The following CBLIF variants were observed in gnomAD, a reference collection of about 807,000 sequenced individuals.
CBLIF encodes cobalamin binding intrinsic factor, also known as gastric intrinsic factor (vitamin B synthesis).
CBLIF carries 24 observed loss-of-function variants against 44.9 expected under a neutral mutation model. The observed-to-expected ratio is 0.53, with a 90% CI of 0.39 to 0.75. The LOEUF (loss-of-function observed/expected upper bound fraction) is 0.75, where lower values mean the gene tolerates loss of function less well. CBLIF is among the 30% of genes least tolerant of loss of function. CBLIF has a pLI of 0.00. For missense variants in CBLIF, 481 were observed against 513.0 expected (o/e 0.94, Z 0.60); for synonymous variants, 183 against 190.9 (o/e 0.96, Z 0.34).
At chr11:59,837,112 T>C in intron 6 of CBLIF, 62 bp downstream of exon 6, 1 of 1,266,488 alleles carries the variant, frequency 7.9e-7, no homozygotes, top group South Asian at 1.2e-5. Context: ...TTAACATTGA[T>C]CCACATGTCA....
At chr11:59,838,934 C>T (rs762049018) in intron 5 of CBLIF, among the ~76,000 whole-genome samples, 5 of 150,802 alleles carry the variant, frequency 3.3e-5, no homozygotes, top group East Asian at 1.9e-4. Context: ...CTGCAACCTC[C>T]GTCTCCCGGG....
In CBLIF at chr11:59,844,088, A is replaced by G. The variant is rs12293739; in HGVS notation, c.80-33T>C. 8.8e-3 allele frequency: 13,553 copies of G among 1,533,964 alleles called. 173 individuals carry two copies. The highest frequency in any genetic ancestry group is 0.058 in the African/African-American group (4,257 of 73,492). On this transcript the variant is annotated intron_variant, in intron 1 of 8. Transcript: ENST00000257248. Reference sequence around the variant, plus strand: ...GAGGAAAGCCATTTACTCACCTTCTAACCCTCATTCCTTCTCAAAAACATT... The same window carrying G: ...GAGGAAAGCCATTTACTCACCTTCTGACCCTCATTCCTTCTCAAAAACATT...
At chr11:59,832,570 T>C (rs563287599) in intron 7 of CBLIF, among the ~76,000 whole-genome samples, 15 of 152,172 alleles carry the variant, frequency 9.9e-5, no homozygotes, top group Non-Finnish European at 1.9e-4. Context: ...GGCAGATTGC[T>C]TGAGCCCAGG....
At chr11:59,833,485 C>A (rs1051086931) in intron 7 of CBLIF, among the ~76,000 whole-genome samples, 2 of 151,560 alleles carry the variant, frequency 1.3e-5, no homozygotes, top group African/African-American at 4.9e-5. Context: ...CCATTGCATT[C>A]CAGCCTGGGT....
At chr11:59,831,986 C>T (rs180912305) in intron 7 of CBLIF, among the ~76,000 whole-genome samples, 190 bp from the exon 8 acceptor site, 12 of 152,228 alleles carry the variant, frequency 7.9e-5, no homozygotes, top group African/African-American at 2.9e-4. Context: ...CTCAAGCATC[C>T]ACCCGCCAGG....
chr11:59,842,278 A>G (rs376894653), intron 4 of CBLIF, among the ~76,000 whole-genome samples, 165 bp downstream of exon 4: 5 of 152,144 alleles, frequency 3.3e-5, no homozygotes, highest in African/African-American at 1.2e-4. Flanking sequence ...TCCTCAATTC[A>G]CCTGCCCAAC....
chr11:59,836,119 G>T, intron 6 of CBLIF, 110 bp from the exon 7 acceptor site: 1 of 857,836 alleles, frequency 1.2e-6, no homozygotes, highest in Non-Finnish European at 2.0e-6. Context: ...AGAAAGTAGT[G>T]AGTTTCATAC....
At chr11:59,837,391 G>A (rs373644476) in intron 5 of CBLIF, 40 bp from the exon 6 acceptor site, 162 of 1,472,526 alleles carry the variant, frequency 1.1e-4, no homozygotes, top group Admixed American at 1.3e-4. Flanking sequence ...GAGTAATTAG[G>A]CATAGCTGAG....
At chr11:59,837,098 C>T (rs572714208) in intron 6 of CBLIF, 76 bp downstream of exon 6, 157 of 1,115,086 alleles carry the variant, frequency 1.4e-4, no homozygotes, top group Non-Finnish European at 2.1e-4. Flanking sequence ...AGCCTATATG[C>T]CACTTAACAT....
intron 1 of CBLIF, 65 bp from the exon 2 acceptor site, chr11:59,844,120 G>C: frequency 1.6e-6 from 2 of 1,251,936 alleles, no homozygotes; most frequent in Non-Finnish European, 2.4e-6. Flanking sequence ...CATTATCCCC[G>C]TGTCTTTGAT....
intron 7 of CBLIF, among the ~76,000 whole-genome samples, chr11:59,834,395 G>GTT (rs367748738): frequency 6.1e-4 from 32 of 52,116 alleles, no homozygotes; most frequent in East Asian, 4.3e-3. Context: ...CCTTTTTTTT[G>GTT]TTTTTTTTTT....
At chr11:59,836,918 G>T (rs1386301798) in intron 6 of CBLIF, among the ~76,000 whole-genome samples, 2 of 152,192 alleles carry the variant, frequency 1.3e-5, no homozygotes, top group Non-Finnish European at 2.9e-5. Flanking sequence ...TCTACCTCTA[G>T]TATCCCACAA....
chr11:59,844,811 C>G (rs528433923), intron 1 of CBLIF, among the ~76,000 whole-genome samples: 1 of 152,072 alleles, frequency 6.6e-6, no homozygotes, highest in Non-Finnish European at 1.5e-5. Flanking sequence ...GTACCATCAA[C>G]CATTATTCCT....
Position 59,831,808 on chromosome 11 carries a change from T to C in CBLIF, c.1074-12A>G. 7 of 1,269,902 alleles carry C rather than the reference T, an allele frequency of 5.5e-6. No individual in the cohort carries two copies. The highest frequency in any genetic ancestry group is 8.1e-6 in the Non-Finnish European group (7 of 865,686). 78.7% of individuals were successfully genotyped at this position (1,269,902 alleles called of 1,614,324 possible). ...TTGTGGTTTCAAATCTAAAAAAAAG[T>C]TTATATATGATTAACATCTCACTTT... On this transcript the variant is annotated splice_polypyrimidine_tract_variant and intron_variant, in intron 7 of 8. Coordinates refer to ENST00000257248, the MANE Select transcript of CBLIF (RefSeq NM_005142.3).
intron 8 of CBLIF, among the ~76,000 whole-genome samples, chr11:59,831,051 T>G (rs1714730547): frequency 6.6e-6 from 1 of 152,236 alleles, no homozygotes; most frequent in Admixed American, 6.5e-5. Context: ...ATGGTGACAG[T>G]TAACATCAGG....
chr11:59,835,850 A>C lies in CBLIF; in HGVS notation c.1031T>G (p.Leu344Arg), dbSNP rs1359751907. 2 of 1,614,160 alleles carry C rather than the reference A, an allele frequency of 1.2e-6. No individual in the cohort carries two copies. Among genetic ancestry groups the C allele is most frequent in the Non-Finnish European group, 1.7e-6 (2 of 1,179,970 alleles). ...NVSVKSGSVL[L>R]VVLEEAQRKN... ...GCGCTGTGCTTCCTCTAGGACAACAAGTAACACTGACCCACTTTTCACACT... is the reference window on the plus strand; with the variant it reads ...GCGCTGTGCTTCCTCTAGGACAACACGTAACACTGACCCACTTTTCACACT... Residue 344 changes from leucine to arginine, a missense_variant, in exon 7 of 9, where the codon CTT becomes CGT. Coordinates refer to ENST00000257248, the MANE Select transcript of CBLIF (RefSeq NM_005142.3).
At chr11:59,832,817 A>T (rs1866389939) in intron 7 of CBLIF, among the ~76,000 whole-genome samples, 1 of 152,220 alleles carries the variant, frequency 6.6e-6, no homozygotes. Context: ...AAATTCCCCC[A>T]AATGGGTAAA....
chr11:59,838,848 CTTT>C (rs1217612334), intron 5 of CBLIF, among the ~76,000 whole-genome samples: 2 of 130,532 alleles, frequency 1.5e-5, no homozygotes, highest in Non-Finnish European at 1.6e-5. Flanking sequence ...TTCTTTCTTT[CTTT>C]TTTTTTTTTT....
At position 59,830,148 on chromosome 11, in the gene CBLIF, C is replaced by T. The variant is rs983809029; in HGVS notation, c.1193-603G>A. ...CCCAAATATTTTTGTTTCTCAGAGG[C>T]CTTTACCATTCTTTCTCCCAGGGAA... On this transcript the variant is annotated intron_variant, in intron 8 of 8. Coordinates refer to ENST00000257248, the MANE Select transcript of CBLIF (RefSeq NM_005142.3). 2.6e-5 allele frequency among the ~76,000 whole-genome samples: 4 copies of T among 151,574 alleles called. No homozygotes were observed. In the East Asian group the frequency reaches 7.7e-4, roughly 29 times the overall value.
Sources: gnomAD v4.1 joint callset for allele counts (sites outside exome capture counted in the v4.1 genomes callset) on GRCh38, gnomAD v4.1.1 for gene constraint, MANE v1.5 for transcripts, NCBI Gene and HGNC (gene_info 2026-07-23, HGNC 2026-07-21) for gene names.